The following RGS21 variants were observed in gnomAD, a reference collection of about 807,000 sequenced individuals.
The protein encoded by RGS21 is regulator of G protein signaling 21.
Under a neutral mutation model 18.7 loss-of-function variants are expected in RGS21, and 19 were observed. That is an observed-to-expected ratio of 1.01 (90% CI 0.71 to 1.49). RGS21 has a LOEUF of 1.49. Ranked by LOEUF, RGS21 falls within the 40% of genes most tolerant of loss-of-function variation. The pLI is 0.00. For synonymous variants in RGS21, 56 were observed against 57.8 expected, an observed-to-expected ratio of 0.97 and a Z score of 0.14; for missense variants, 194 against 176.8, an observed-to-expected ratio of 1.10 and a Z score of -0.55.
intron 4 of RGS21, among the ~76,000 whole-genome samples, chr1:192,364,075 C>G (rs1659222662): frequency 6.6e-6 from 1 of 152,098 alleles, no homozygotes. Context: ...ACTGAAGAAG[C>G]AGAAACTCAG....
intron 1 of RGS21, among the ~76,000 whole-genome samples, chr1:192,327,100 C>A (rs1038603705): frequency 3.9e-5 from 6 of 152,058 alleles, no homozygotes; most frequent in African/African-American, 1.4e-4. Context: ...TAAACTCTTT[C>A]AATGTGCATC....
chr1:192,361,681 G>T (rs7540137), intron 4 of RGS21, among the ~76,000 whole-genome samples: 43,966 of 151,760 alleles, frequency 0.29, 7,292 homozygotes, highest in African/African-American at 0.45. Context: ...GAGTAGCTGG[G>T]ATTACAGATA....
chr1:192,348,687 T>C (rs929368857), intron 3 of RGS21, among the ~76,000 whole-genome samples: 5 of 152,146 alleles, frequency 3.3e-5, no homozygotes, highest in African/African-American at 4.8e-5. Flanking sequence ...ATAACTTCTG[T>C]TTGTGTTATA....
intron 3 of RGS21, 80 bp downstream of exon 3, chr1:192,347,469 T>C (rs893457094): frequency 2.8e-6 from 2 of 717,844 alleles, no homozygotes; most frequent in Admixed American, 2.0e-5. Flanking sequence ...TAACATATCA[T>C]AAAGTATGAG....
At chr1:192,357,915 C>CA (rs1334170241) in intron 4 of RGS21, among the ~76,000 whole-genome samples, 1 of 151,912 alleles carries the variant, frequency 6.6e-6, no homozygotes, top group Non-Finnish European at 1.5e-5. Context: ...TTCTGTGCTT[C>CA]AAAAAATAAT....
At chr1:192,350,592 A>G (rs531976301) in intron 3 of RGS21, among the ~76,000 whole-genome samples, 1 of 152,138 alleles carries the variant, frequency 6.6e-6, no homozygotes, top group East Asian at 1.9e-4. Context: ...AAAACCACCA[A>G]CGTTCTGGAA....
At chr1:192,317,855 C>A (rs1012785387) in intron 1 of RGS21, among the ~76,000 whole-genome samples, 6 of 151,854 alleles carry the variant, frequency 4.0e-5, no homozygotes, top group African/African-American at 1.4e-4. Flanking sequence ...ATATTAAGTT[C>A]TTTAAAATTA....
chr1:192,337,579 T>C (rs888277833), intron 1 of RGS21, among the ~76,000 whole-genome samples: 24 of 152,094 alleles, frequency 1.6e-4, no homozygotes, highest in Non-Finnish European at 3.1e-4. Context: ...CTCAGGAGAA[T>C]AGTTTAACGG....
intron 1 of RGS21, among the ~76,000 whole-genome samples, chr1:192,317,655 CTT>C (rs1246122843): frequency 2.0e-5 from 3 of 151,790 alleles, no homozygotes; most frequent in African/African-American, 7.3e-5. Context: ...ATTTTTATGT[CTT>C]TACTTATATA....
intron 4 of RGS21, among the ~76,000 whole-genome samples, chr1:192,363,747 C>T (rs970035589): frequency 6.6e-6 from 1 of 152,094 alleles, no homozygotes; most frequent in African/African-American, 2.4e-5. Context: ...AAATTCCTTG[C>T]TTACACCCTA....
Position 192,326,926 on chromosome 1 carries a change from A to T in RGS21, c.-61+9821A>T, listed in dbSNP as rs80038649. Among the ~76,000 whole-genome samples the T allele has an allele frequency of 1.5e-3, 233 of 152,288 alleles. 3 individuals are homozygous for T. Among genetic ancestry groups the T allele is most frequent in the Middle Eastern group, 3.4e-3 (1 of 294 alleles). On this transcript the variant is annotated intron_variant, in intron 1 of 4. Coordinates refer to ENST00000417209, the MANE Select transcript of RGS21 (RefSeq NM_001039152.3). Reference sequence around the variant, plus strand: ...GTAAAGTTAAAAGAGCTCTCCAAAAAGTTCTAACACACACAAAGTTCTAGG... The same window carrying T: ...GTAAAGTTAAAAGAGCTCTCCAAAATGTTCTAACACACACAAAGTTCTAGG...
intron 4 of RGS21, among the ~76,000 whole-genome samples, chr1:192,363,515 T>C (rs187903919): frequency 2.6e-4 from 39 of 152,282 alleles, no homozygotes; most frequent in African/African-American, 9.1e-4. Flanking sequence ...AAACAGACTA[T>C]AGTAGATGTT....
chr1:192,333,267 A>T (rs1286355621), intron 1 of RGS21, among the ~76,000 whole-genome samples: 1 of 96,024 alleles, frequency 1.0e-5, no homozygotes, highest in Non-Finnish European at 2.1e-5. Context: ...CAGTTTCTTA[A>T]ATACACACAC....
chr1:192,363,560 T>C (rs79629138), intron 4 of RGS21, among the ~76,000 whole-genome samples: 2,169 of 152,250 alleles, frequency 0.014, 23 homozygotes, highest in Middle Eastern at 0.061. Flanking sequence ...ATAGCCACTA[T>C]TGATTCCCAC....
intron 1 of RGS21, among the ~76,000 whole-genome samples, chr1:192,321,817 A>T (rs1381499883): frequency 1.3e-5 from 2 of 152,028 alleles, no homozygotes; most frequent in Non-Finnish European, 2.9e-5. Flanking sequence ...TATTTTTAAT[A>T]CTTGAAATAA....
At position 192,362,854 on chromosome 1, in the gene RGS21, T is replaced by C. The variant is rs1261345928; in HGVS notation, c.256-3067T>C. On this transcript the variant is annotated intron_variant, in intron 4 of 4. Coordinates refer to ENST00000417209, the MANE Select transcript of RGS21 (RefSeq NM_001039152.3). ...AACAAGTATAGAACCATTTTTTCAC[T>C]GCTTATACATGTATTTATTGAGTTC... 1.3e-5 allele frequency among the ~76,000 whole-genome samples: 2 copies of C among 152,166 alleles called. 1 individual carries two copies. Among genetic ancestry groups the C allele is most frequent in the Admixed American group, 1.3e-4 (2 of 15,254 alleles).
intron 1 of RGS21, among the ~76,000 whole-genome samples, chr1:192,335,858 G>A (rs927073635): frequency 6.6e-6 from 1 of 152,142 alleles, no homozygotes; most frequent in Non-Finnish European, 1.5e-5. Flanking sequence ...CAGTCAGTGT[G>A]TCTGAGAGGG....
intron 1 of RGS21, among the ~76,000 whole-genome samples, chr1:192,324,328 C>T (rs564809439): frequency 6.6e-6 from 1 of 152,160 alleles, no homozygotes; most frequent in East Asian, 1.9e-4. Context: ...GATTACTGAT[C>T]TACATTAACA....
At chr1:192,340,017 T>C (rs890611780) in intron 1 of RGS21, among the ~76,000 whole-genome samples, 1 of 152,144 alleles carries the variant, frequency 6.6e-6, no homozygotes, top group African/African-American at 2.4e-5. Context: ...AACTTTCCCA[T>C]CTGCCTCTCA....
Sources: allele counts gnomAD v4.1 joint callset (sites outside exome capture counted in the v4.1 genomes callset), GRCh38; gene constraint gnomAD v4.1.1; transcripts MANE v1.5; gene names NCBI Gene and HGNC (gene_info 2026-07-23, HGNC 2026-07-21).